NDST2: variants seen among roughly 807,000 people sequenced by gnomAD.
NDST2 encodes N-deacetylase and N-sulfotransferase 2, also known as bifunctional heparan sulfate N-deacetylase/N-sulfotransferase 2.
NDST2 carries 32 observed loss-of-function variants against 86.9 expected under a neutral mutation model. That is an observed-to-expected ratio of 0.37 (90% CI 0.28 to 0.49). The LOEUF (loss-of-function observed/expected upper bound fraction) is 0.49. NDST2 is among the 20% of genes least tolerant of loss of function. NDST2 has a pLI of 0.97. For missense variants in NDST2, 950 were observed against 1,146.9 expected (o/e 0.83, Z 2.48); for synonymous variants, 409 against 437.0 (o/e 0.94, Z 0.80).
Position 73,802,994 on chromosome 10 carries a change from G to A in NDST2, c.2401C>T (p.Leu801=). The change falls in exon 13 of 15, where the codon CTG becomes TTG. Residue 801 remains leucine, a synonymous_variant. Coordinates refer to ENST00000309979, the MANE Select transcript of NDST2 (RefSeq NM_003635.4). ...CACCTGAGGGTCCGTGTGTAGTTCA[G>A]AAAGGGTGTGATACCCAGGAACTTC... ...IQKFLGITPF[L]NYTRTLRFDD... is the part of the protein sequence containing the mutation. The A allele has an allele frequency of 6.2e-7, 1 of 1,614,184 alleles. No individual in the cohort carries two copies. The highest frequency in any genetic ancestry group is 8.5e-7 in the Non-Finnish European group (1 of 1,180,022).
chr10:73,807,513 GAT>G lies in NDST2; in HGVS notation c.874_875del (p.Ile292LeufsTer3), dbSNP rs765126500. On this transcript the variant is annotated frameshift_variant, in exon 3 of 15. Coordinates refer to ENST00000309979, the MANE Select transcript of NDST2 (RefSeq NM_003635.4). LOFTEE classifies it high-confidence loss of function. ...TGAGGTATGCAACAGCATCAACGAA[GAT>G]AAGTTTGTGGAGCCAGAAGGAAAGG... ...HGLSFWLHKL[I>X]FVDAVAYLTG... The G allele has an allele frequency of 1.2e-6, 2 of 1,614,204 alleles. No homozygotes were observed. Among genetic ancestry groups the G allele is most frequent in the Non-Finnish European group, 1.7e-6 (2 of 1,180,032 alleles).
chr10:73,809,687 A>C (rs1034590075), intron 2 of NDST2, among the ~76,000 whole-genome samples: 2 of 152,212 alleles, frequency 1.3e-5, no homozygotes, highest in Admixed American at 1.3e-4. Flanking sequence ...AGAAGGAAAA[A>C]GGACAGTGTG....
intron 9 of NDST2, 29 bp from the exon 10 acceptor site, chr10:73,804,045 G>C: frequency 6.2e-7 from 1 of 1,610,244 alleles, no homozygotes; most frequent in Non-Finnish European, 8.5e-7. Flanking sequence ...CCAGCTTCAG[G>C]CAGCCATTGT....
rs1396858297 is a variant in NDST2, at chr10:73,811,576, C to A, written c.-549G>T. 1.3e-5 allele frequency: 2 copies of A among 152,146 alleles called. No individual in the cohort carries two copies. Among genetic ancestry groups the A allele is most frequent in the African/African-American group, 4.8e-5 (2 of 41,436 alleles). 9.4% of individuals were successfully genotyped at this position (152,146 alleles called of 1,614,324 possible). A position where few individuals can be genotyped will look rare whatever the true frequency, so the allele number is the denominator to read the frequency against. ...GCCACGGGCCGCGTCGCGGCTGCTC[C>A]GCCATCTCCGAGCGAACGCTCTGCC... On this transcript the variant is annotated 5_prime_UTR_variant, in exon 1 of 15. Transcript: ENST00000309979.
intron 3 of NDST2, 31 bp downstream of exon 3, chr10:73,807,353 C>T (rs2084120985): frequency 3.7e-6 from 6 of 1,608,778 alleles, no homozygotes; most frequent in Non-Finnish European, 5.1e-6. Context: ...TGAATAGCTT[C>T]TAAGAAAAAA....
Position 73,807,777 on chromosome 10 carries a change from A to G in NDST2, c.612T>C (p.Pro204=). The G allele has an allele frequency of 6.2e-7, 1 of 1,614,190 alleles. No homozygotes were observed. Among genetic ancestry groups the G allele is most frequent in the Non-Finnish European group, 8.5e-7 (1 of 1,180,036 alleles). Residue 204 remains proline (P), a synonymous_variant, in exon 3 of 15, where the codon CCT becomes CCC. Transcript: ENST00000309979. ...GTGTGAGATGCAGTAGCGGGGCAGA[A>G]GGATTCACTTGGTAGTCCCGGAGCC... ...NLGLRDYQVN[P]SAPLLHLTRP... is the part of the protein sequence containing the mutation.
At position 73,802,300 on chromosome 10, in the gene NDST2, G is replaced by A; in HGVS notation, c.*151C>T. 1.3e-6 allele frequency: 1 copy of A among 769,542 alleles called. No individual in the cohort carries two copies. Among genetic ancestry groups the A allele is most frequent in the South Asian group, 1.8e-5 (1 of 55,156 alleles). The allele number at this position is 769,542 out of a possible 1,614,324, so 47.7% of individuals were successfully genotyped here. ...ATTTGTCCCAGAACTGTGGGAAAAG[G>A]ATACCCTTCCCTTCTCAGCCATCTC... On this transcript the variant is annotated 3_prime_UTR_variant, in exon 15 of 15. Coordinates refer to ENST00000309979, the MANE Select transcript of NDST2 (RefSeq NM_003635.4).
At position 73,803,095 on chromosome 10, in the gene NDST2, G is replaced by A; in HGVS notation, c.2314-14C>T. On this transcript the variant is annotated splice_polypyrimidine_tract_variant and intron_variant, in intron 12 of 14. Coordinates refer to ENST00000309979, the MANE Select transcript of NDST2 (RefSeq NM_003635.4). ...CACAATCAGCAACTAAAAGGACAGG[G>A]ATGTGGTTCCCTCTATATTCCTAAG... 2 of 1,614,104 alleles carry A rather than the reference G, an allele frequency of 1.2e-6. No homozygotes were observed. The highest frequency in any genetic ancestry group is 1.7e-6 in the Non-Finnish European group (2 of 1,179,942).
At position 73,803,358 on chromosome 10, in the gene NDST2, TGC is replaced by T; in HGVS notation, c.2143-1_2143del. On this transcript the variant is annotated splice_acceptor_variant and coding_sequence_variant, in exon 12 of 15. Coordinates refer to ENST00000309979, the MANE Select transcript of NDST2 (RefSeq NM_003635.4). LOFTEE classifies it high-confidence loss of function. ...AACTGGGTCTCCATGGGCTCGCTGA[TGC>T]TGAAGGACAAAGAGAAGGAAGGTGA... The T allele has an allele frequency of 6.2e-7, 1 of 1,614,182 alleles. No individual in the cohort carries two copies.
At position 73,807,617 on chromosome 10, in the gene NDST2, G is replaced by A; in HGVS notation, c.772C>T (p.Arg258Cys). ...AEPAVPGPVL[R>C]RARLPTVVQD... is the part of the protein sequence containing the mutation. ...ACCACAGTGGGAAGCCGGGCCCGAC[G>A]AAGAACTGGTCCTGGCACTGCGGGC... The change falls in exon 3 of 15, where the codon CGT (arginine) becomes TGT (cysteine). Residue 258 changes from arginine (R) to cysteine (C), a missense_variant. By Grantham distance (180) the Arg-to-Cys change is radical. Around this residue, in one of 5 missense-constraint regions of NDST2, gnomAD observed 586 missense variants for 714.0 expected, o/e 0.82. Coordinates refer to ENST00000309979, the MANE Select transcript of NDST2 (RefSeq NM_003635.4). 2 of 1,614,188 alleles carry A rather than the reference G, an allele frequency of 1.2e-6. No homozygotes were observed. Among genetic ancestry groups the A allele is most frequent in the South Asian group, 1.1e-5 (1 of 91,084 alleles).
Position 73,807,682 on chromosome 10 carries a change from G to A in NDST2, c.707C>T (p.Thr236Ile), listed in dbSNP as rs200289264. ...DWTIFQSNHS[T>I]YEPVLLASLR... ...GCTGGCAAGAAGCACTGGTTCATAT[G>A]TACTATGATTGGATTGGAAGATGGT... is the stretch of plus-strand genomic sequence containing the variant. The change falls in exon 3 of 15, where the codon ACA becomes ATA. Residue 236 changes from threonine (T) to isoleucine (I), a missense_variant. Physicochemically the swap from Thr to Ile is moderately conservative, Grantham distance 89 (BLOSUM62 -1). This residue lies in a region of NDST2 where 586 missense variants were observed against 714.0 expected (regional missense o/e 0.82). Coordinates refer to ENST00000309979, the MANE Select transcript of NDST2 (RefSeq NM_003635.4). 6.2e-7 allele frequency: 1 copy of A among 1,614,212 alleles called. No homozygotes were observed. The highest frequency in any genetic ancestry group is 1.3e-5 in the African/African-American group (1 of 75,048).
intron 8 of NDST2, 86 bp downstream of exon 8, chr10:73,805,501 G>A (rs1238931406): frequency 2.8e-5 from 37 of 1,330,518 alleles, no homozygotes; most frequent in Admixed American, 1.3e-4. Flanking sequence ...GTGACAGAGC[G>A]AGATTCTGTC....
At chr10:73,803,518 G>GGGGGGGGGGGCC in intron 11 of NDST2, 56 bp downstream of exon 11, 1 of 1,211,550 alleles carries the variant, frequency 8.3e-7, no homozygotes, top group Non-Finnish European at 1.2e-6. Context: ...AGCAGTCACT[G>GGGGGGGGGGGCC]TCCCCTCCCC....
rs1807013907 is a variant in NDST2 at position 73,802,273 on chromosome 10, T to C, written c.*178A>G. On this transcript the variant is annotated 3_prime_UTR_variant, in exon 15 of 15. Coordinates refer to ENST00000309979, the MANE Select transcript of NDST2 (RefSeq NM_003635.4). ...ATGTGGGGTACCAAAGGAAGCCCCT[T>C]TATTTGTCCCAGAACTGTGGGAAAA... is the stretch of plus-strand genomic sequence containing the variant. 1.2e-5 allele frequency: 8 copies of C among 666,046 alleles called. No homozygotes were observed. 41.3% of individuals were successfully genotyped at this position (666,046 alleles called of 1,614,324 possible).
chr10:73,807,354 T>G, intron 3 of NDST2, 30 bp downstream of exon 3: 1 of 1,608,838 alleles, frequency 6.2e-7, no homozygotes, highest in Non-Finnish European at 8.5e-7. Flanking sequence ...GAATAGCTTC[T>G]AAGAAAAAAA....
Position 73,802,305 on chromosome 10 carries a change from C to G in NDST2, c.*146G>C, listed in dbSNP as rs2083998237. The G allele has an allele frequency of 1.1e-5, 9 of 801,908 alleles. No homozygotes were observed. The South Asian group carries it at 1.6e-4, about 14-fold the overall frequency. The allele number at this position is 801,908 out of a possible 1,614,324, so 49.7% of individuals were successfully genotyped here. Reference sequence around the variant, plus strand: ...TCCCAGAACTGTGGGAAAAGGATACCCTTCCCTTCTCAGCCATCTCAGGCC... The same window carrying G: ...TCCCAGAACTGTGGGAAAAGGATACGCTTCCCTTCTCAGCCATCTCAGGCC... On this transcript the variant is annotated 3_prime_UTR_variant, in exon 15 of 15. Transcript: ENST00000309979.
rs946561571 is a variant in NDST2 at position 73,802,782 on chromosome 10, C to G, written c.2424-6G>C. The G allele has an allele frequency of 6.2e-7, 1 of 1,613,340 alleles. No homozygotes were observed. Among genetic ancestry groups the G allele is most frequent in the Non-Finnish European group, 8.5e-7 (1 of 1,179,284 alleles). ...ATCCCTTATCATCATCAAACCTGCTCAACAGGAAGAGGCCATGAGGTGGCA... is the reference window on the plus strand; with the variant it reads ...ATCCCTTATCATCATCAAACCTGCTGAACAGGAAGAGGCCATGAGGTGGCA... On this transcript the variant is annotated splice_polypyrimidine_tract_variant and splice_region_variant and intron_variant, in intron 13 of 14. Coordinates refer to ENST00000309979, the MANE Select transcript of NDST2 (RefSeq NM_003635.4).
rs79478385 is a variant in NDST2, at chr10:73,808,839, CAAAAAAAA to C, written c.-341-118_-341-111del. 1 of 111,288 alleles carries C rather than the reference CAAAAAAAA, an allele frequency of 9.0e-6. No homozygotes were observed. Among genetic ancestry groups the C allele is most frequent in the Non-Finnish European group, 1.9e-5 (1 of 52,528 alleles). 6.9% of individuals were successfully genotyped at this position (111,288 alleles called of 1,614,324 possible). ...TCCTGCTTACTGGATAATCTGTTCT[CAAAAAAAA>C]AAAAAAAAAAGTTTCCTCTAGGAGA... On this transcript the variant is annotated intron_variant, in intron 2 of 14. Coordinates refer to ENST00000309979, the MANE Select transcript of NDST2 (RefSeq NM_003635.4). This position sits in a 1 kb window ranked among gnomAD's most constrained non-coding sequence, Gnocchi z 4.3.
Position 73,807,381 on chromosome 10 carries a change from G to A in NDST2, c.1005+3C>T. Reference sequence around the variant, plus strand: ...AGAAAAAAATTTAAGTAACAAGACTGACCTCAACATCAGCCACCTTCATGC... The same window carrying A: ...AGAAAAAAATTTAAGTAACAAGACTAACCTCAACATCAGCCACCTTCATGC... On this transcript the variant is annotated splice_donor_region_variant and intron_variant, in intron 3 of 14. Coordinates refer to ENST00000309979, the MANE Select transcript of NDST2 (RefSeq NM_003635.4). 6.2e-7 allele frequency: 1 copy of A among 1,613,406 alleles called. No individual in the cohort carries two copies. Among genetic ancestry groups the A allele is most frequent in the Non-Finnish European group, 8.5e-7 (1 of 1,179,526 alleles).
Sources: gnomAD v4.1 joint callset for allele counts (sites outside exome capture counted in the v4.1 genomes callset) on GRCh38, gnomAD v4.1.1 for gene constraint, gnomAD v4.1.1 regional missense constraint, Gnocchi (gnomAD v3.1) non-coding constraint, MANE v1.5 for transcripts, NCBI Gene and HGNC (gene_info 2026-07-23, HGNC 2026-07-21) for gene names.